The following DNAJC1 variants were observed in gnomAD, a reference collection of about 807,000 sequenced individuals.
DNAJC1 encodes DnaJ heat shock protein family (Hsp40) member C1, also known as dnaJ homolog subfamily C member 1.
In DNAJC1, 58 loss-of-function variants were observed where a neutral mutation model predicts 76.6. That is an observed-to-expected ratio of 0.76 (90% CI 0.61 to 0.94). DNAJC1 has a LOEUF of 0.94. Among genes scored for constraint, DNAJC1 ranks in the 40% least tolerant of loss-of-function variants. The pLI is 0.00. For synonymous variants in DNAJC1, 258 were observed against 267.9 expected (o/e 0.96, Z 0.36); for missense variants, 689 against 677.3 (o/e 1.02, Z -0.19).
chr10:21,909,532 C>G (rs577363315), intron 6 of DNAJC1, among the ~76,000 whole-genome samples: 1 of 152,284 alleles, frequency 6.6e-6, no homozygotes, highest in East Asian at 1.9e-4. Context: ...TCACCCCCTA[C>G]CCCTGCCCCG....
rs78004315 is a variant in DNAJC1, at chr10:21,999,822, T to G, written c.222+3391A>C. On this transcript the variant is annotated intron_variant, in intron 1 of 11. Transcript: ENST00000376980. ...AGATCTCTTCTCTTCTCTTTTACGTTCACTCCCTTGGTGAACTCATCCAGT... is the reference window on the plus strand; with the variant it reads ...AGATCTCTTCTCTTCTCTTTTACGTGCACTCCCTTGGTGAACTCATCCAGT... 7.5e-4 allele frequency among the ~76,000 whole-genome samples: 114 copies of G among 152,304 alleles called. 2 individuals carry two copies. In the East Asian group the frequency reaches 0.017, roughly 23 times the overall value.
intron 8 of DNAJC1, among the ~76,000 whole-genome samples, chr10:21,842,823 A>G (rs139532244): frequency 2.1e-3 from 321 of 152,356 alleles, no homozygotes; most frequent in Non-Finnish European, 3.6e-3. Context: ...ATGTTCTGAT[A>G]AGGGATATAC....
intron 1 of DNAJC1, among the ~76,000 whole-genome samples, chr10:21,932,903 A>G (rs1016272787): frequency 6.6e-6 from 1 of 152,204 alleles, no homozygotes; most frequent in Admixed American, 6.5e-5. Context: ...CCTGGCCTAC[A>G]GGCAAATGTA....
At chr10:21,911,885 G>A (rs894788839) in intron 6 of DNAJC1, among the ~76,000 whole-genome samples, 3 of 152,112 alleles carry the variant, frequency 2.0e-5, no homozygotes, top group Non-Finnish European at 2.9e-5. Context: ...AATAGGCTTT[G>A]TATTAGATTA....
chr10:21,901,662 C>G (rs1379883901), intron 7 of DNAJC1, among the ~76,000 whole-genome samples: 1 of 152,184 alleles, frequency 6.6e-6, no homozygotes, highest in Non-Finnish European at 1.5e-5. Context: ...ACACCCTACT[C>G]AAAGTAGTTC....
chr10:21,955,130 G>T (rs1281950489), intron 1 of DNAJC1, among the ~76,000 whole-genome samples: 1 of 152,112 alleles, frequency 6.6e-6, no homozygotes, highest in Admixed American at 6.5e-5. Flanking sequence ...AAATGTCCCT[G>T]GGCAGGGGGG....
chr10:21,778,967 C>G (rs1009204606), intron 9 of DNAJC1, among the ~76,000 whole-genome samples: 2 of 152,220 alleles, frequency 1.3e-5, no homozygotes, highest in African/African-American at 4.8e-5. Context: ...CTGGCTTGGA[C>G]GGTCCCACGC....
At chr10:21,978,084 AG>A (rs1456915045) in intron 1 of DNAJC1, among the ~76,000 whole-genome samples, 4 of 152,116 alleles carry the variant, frequency 2.6e-5, no homozygotes, top group Non-Finnish European at 1.5e-5. Flanking sequence ...CTCTTCCTAA[AG>A]CTCTTTCACT....
intron 9 of DNAJC1, among the ~76,000 whole-genome samples, chr10:21,768,301 C>T (rs1834325536): frequency 6.6e-6 from 1 of 151,972 alleles, no homozygotes; most frequent in Non-Finnish European, 1.5e-5. Flanking sequence ...ATTCTCGAAC[C>T]AACACTTCAT....
At chr10:21,888,514 A>G (rs542968272) in intron 7 of DNAJC1, among the ~76,000 whole-genome samples, 17 of 152,224 alleles carry the variant, frequency 1.1e-4, no homozygotes, top group Non-Finnish European at 2.2e-4. Flanking sequence ...AATTTGATAA[A>G]GAAAATATGG....
chr10:21,770,312 G>A (rs1834357276), intron 9 of DNAJC1, among the ~76,000 whole-genome samples: 1 of 151,810 alleles, frequency 6.6e-6, no homozygotes, highest in Non-Finnish European at 1.5e-5. Context: ...TTCCTTGGAG[G>A]AATATCTATT....
chr10:21,761,473 C>A (rs1053800205), intron 10 of DNAJC1, among the ~76,000 whole-genome samples: 8 of 149,844 alleles, frequency 5.3e-5, no homozygotes, highest in Non-Finnish European at 1.5e-5. Flanking sequence ...GCAGGAGAAT[C>A]GCTTGAACCT....
intron 1 of DNAJC1, among the ~76,000 whole-genome samples, chr10:21,950,026 T>C (rs1837565112): frequency 6.6e-6 from 1 of 151,830 alleles, no homozygotes; most frequent in Admixed American, 6.6e-5. Flanking sequence ...CAAAAATATG[T>C]AGTCATCCAC....
At chr10:21,826,236 C>CTAAAAAAAAAAAA (rs1564799165) in intron 8 of DNAJC1, among the ~76,000 whole-genome samples, 2 of 11,254 alleles carry the variant, frequency 1.8e-4, no homozygotes, top group Non-Finnish European at 3.0e-4. Context: ...GAGACTTTGT[C>CTAAAAAAAAAAAA]CAAAAAAAAA....
intron 1 of DNAJC1, among the ~76,000 whole-genome samples, chr10:21,981,527 T>G (rs1425096564): frequency 6.6e-6 from 1 of 152,164 alleles, no homozygotes; most frequent in Non-Finnish European, 1.5e-5. Context: ...ACAGTTATGA[T>G]CTTTGAGCCT....
At chr10:21,805,656 T>C (rs1307393301) in intron 9 of DNAJC1, among the ~76,000 whole-genome samples, 7 of 152,176 alleles carry the variant, frequency 4.6e-5, no homozygotes, top group Non-Finnish European at 1.0e-4. Flanking sequence ...ACAACCCTCC[T>C]AATTCTGATC....
At chr10:22,000,708 G>A (rs1018156631) in intron 1 of DNAJC1, among the ~76,000 whole-genome samples, 3 of 152,222 alleles carry the variant, frequency 2.0e-5, no homozygotes, top group East Asian at 1.9e-4. Context: ...ATTATATCAC[G>A]AAGGTGGAGT....
intron 9 of DNAJC1, among the ~76,000 whole-genome samples, chr10:21,779,380 AC>A (rs1199461821): frequency 2.6e-5 from 4 of 152,042 alleles, no homozygotes; most frequent in Non-Finnish European, 4.4e-5. Flanking sequence ...ACGGCCACAT[AC>A]CCCTCTGAGA....
chr10:21,903,350 A>C (rs1019282067), intron 7 of DNAJC1, among the ~76,000 whole-genome samples: 1 of 152,208 alleles, frequency 6.6e-6, no homozygotes, highest in Non-Finnish European at 1.5e-5. Flanking sequence ...TTTCATTTGC[A>C]CACTCCTACT....
Sources: allele counts gnomAD v4.1 joint callset (sites outside exome capture counted in the v4.1 genomes callset), GRCh38; gene constraint gnomAD v4.1.1; transcripts MANE v1.5; gene names NCBI Gene and HGNC (gene_info 2026-07-23, HGNC 2026-07-21).